The following KCNQ1 variants were observed in gnomAD, a reference collection of about 807,000 sequenced individuals.
KCNQ1 encodes the protein potassium voltage-gated channel subfamily Q member 1, also known as potassium voltage-gated channel subfamily KQT member 1.
KCNQ1 carries 49 observed loss-of-function variants against 72.4 expected under a neutral mutation model. The ratio of observed to expected loss-of-function variants is 0.68; its 90% CI spans 0.54 to 0.86. The LOEUF (loss-of-function observed/expected upper bound fraction) is 0.86, where lower values mean the gene tolerates loss of function less well. Ranked by LOEUF, KCNQ1 falls within the 40% of genes least tolerant of loss-of-function variation. The pLI is 0.00. For synonymous variants in KCNQ1, 450 were observed against 412.6 expected (o/e 1.09, Z -1.10); for missense variants, 790 against 945.1 (o/e 0.84, Z 2.15).
intron 11 of KCNQ1, among the ~76,000 whole-genome samples, chr11:2,726,109 G>A (rs944906759): frequency 3.9e-5 from 6 of 152,154 alleles, no homozygotes; most frequent in South Asian, 2.1e-4. Flanking sequence ...GGCTGGGGAC[G>A]GCCTCTTGGG....
At chr11:2,633,947 G>T (rs145710885) in intron 10 of KCNQ1, 1 of 398,546 alleles carries the variant, frequency 2.5e-6, no homozygotes, top group East Asian at 3.6e-5. Context: ...GAAAATCCAC[G>T]TATAAATGAA....
intron 11 of KCNQ1, chr11:2,696,168 C>A: frequency 2.5e-6 from 1 of 398,586 alleles, no homozygotes; most frequent in Non-Finnish European, 4.4e-6. Flanking sequence ...TTTCTGGATC[C>A]TGTTTAAGAA....
At chr11:2,754,456 T>C (rs1026130545) in intron 11 of KCNQ1, among the ~76,000 whole-genome samples, 2 of 152,264 alleles carry the variant, frequency 1.3e-5, no homozygotes, top group African/African-American at 4.8e-5. Flanking sequence ...GGAAGGGCCC[T>C]GCCTTCCAGA....
intron 10 of KCNQ1, chr11:2,610,488 G>A (rs1027568597): frequency 2.5e-6 from 1 of 398,146 alleles, no homozygotes; most frequent in African/African-American, 2.1e-5. Flanking sequence ...CCAACTGGTG[G>A]TATTTCCTTA....
chr11:2,473,328 G>A lies in KCNQ1; in HGVS notation c.386+27844G>A, dbSNP rs755445189. Reference sequence around the variant, plus strand: ...GGGGCTTGCTGGGGACTCAGGGAGGGTTGGGGACCTCCAGGGCTTCCATTC... The same window carrying A: ...GGGGCTTGCTGGGGACTCAGGGAGGATTGGGGACCTCCAGGGCTTCCATTC... On this transcript the variant is annotated intron_variant, in intron 1 of 15. Transcript: ENST00000155840. This position sits in a 1 kb window ranked among gnomAD's most constrained non-coding sequence, Gnocchi z 6.0. Among the ~76,000 whole-genome samples, 2 of 152,154 alleles carry A rather than the reference G, an allele frequency of 1.3e-5. No individual in the cohort carries two copies. Among genetic ancestry groups the A allele is most frequent in the Non-Finnish European group, 2.9e-5 (2 of 68,004 alleles).
intron 1 of KCNQ1, among the ~76,000 whole-genome samples, chr11:2,502,733 T>C (rs1847037967): frequency 6.6e-6 from 1 of 152,124 alleles, no homozygotes; most frequent in Non-Finnish European, 1.5e-5. Context: ...GTCAAAGCTA[T>C]CCTGAGCAAA....
intron 10 of KCNQ1, chr11:2,660,763 C>A: frequency 2.5e-6 from 1 of 398,592 alleles, no homozygotes; most frequent in Non-Finnish European, 4.4e-6. Flanking sequence ...GCTGGGGGAG[C>A]CTGAATTGCT....
In KCNQ1 at chr11:2,647,422, T is replaced by A. The variant is rs1044214569; in HGVS notation, c.1394-14539T>A. On this transcript the variant is annotated intron_variant, in intron 10 of 15. Transcript: ENST00000155840. The surrounding 1 kb of genome is among the most constrained non-coding windows in gnomAD (Gnocchi z 4.0). ...GTGTTTTGTTTCTGAGGATTCTGCA[T>A]CTATGTTCATCAGGGAGATTGGCCT... 3 of 398,488 alleles carry A rather than the reference T, an allele frequency of 7.5e-6. No individual in the cohort carries two copies. The highest frequency in any genetic ancestry group is 6.2e-5 in the African/African-American group (3 of 48,648). 24.7% of individuals were successfully genotyped at this position (398,488 alleles called of 1,614,324 possible).
intron 10 of KCNQ1, chr11:2,619,761 G>GT: frequency 2.5e-6 from 1 of 397,762 alleles, no homozygotes; most frequent in African/African-American, 2.1e-5. Context: ...TTTTGGAAGA[G>GT]TTTAAGAAGT....
chr11:2,588,480 G>T lies in KCNQ1; in HGVS notation c.1252-233G>T, dbSNP rs1018071194. Among the ~76,000 whole-genome samples, 1 of 152,102 alleles carries T rather than the reference G, an allele frequency of 6.6e-6. No homozygotes were observed. The highest frequency in any genetic ancestry group is 6.5e-5 in the Admixed American group (1 of 15,274). ...TTATCTGCTTCCTGCTGTCCTGTTA[G>T]CGAGGCCGTGAGCTCACAGGGCAGC... is the stretch of plus-strand genomic sequence containing the variant. On this transcript the variant is annotated intron_variant, in intron 9 of 15. Transcript: ENST00000155840. The surrounding 1 kb of genome is among the most constrained non-coding windows in gnomAD (Gnocchi z 5.6).
chr11:2,459,243 C>T (rs7948693), intron 1 of KCNQ1, among the ~76,000 whole-genome samples: 5 of 151,896 alleles, frequency 3.3e-5, no homozygotes, highest in African/African-American at 1.2e-4. Context: ...CCGTGGCGCC[C>T]GGTGGTGTGA....
intron 10 of KCNQ1, among the ~76,000 whole-genome samples, chr11:2,607,004 G>A (rs1165498843): frequency 7.0e-6 from 1 of 142,082 alleles, no homozygotes; most frequent in Non-Finnish European, 1.5e-5. Flanking sequence ...CCAGGTTCAC[G>A]CCATTCTTCT....
rs139481648 is a variant in KCNQ1 at position 2,498,913 on chromosome 11, G to A, written c.387-29015G>A. Among the ~76,000 whole-genome samples, 46 of 152,296 alleles carry A rather than the reference G, an allele frequency of 3.0e-4. 1 individual carries two copies. In the South Asian group the frequency reaches 6.0e-3, roughly 20 times the overall value. ...CACAGTCCCGGGTATCACAGATGAC[G>A]GGTTGATGGGTGCAGCAACTGCATG... On this transcript the variant is annotated intron_variant, in intron 1 of 15. Transcript: ENST00000155840. This position sits in a 1 kb window ranked among gnomAD's most constrained non-coding sequence, Gnocchi z 4.8.
Position 2,677,186 on chromosome 11 carries a change from T to A in KCNQ1, c.1514+15105T>A. ...TCCATCTTATCCCTACTTGTATCTC[T>A]GCTGACTGACCTCTTTGGCTGTCTC... On this transcript the variant is annotated intron_variant, in intron 11 of 15. Coordinates refer to ENST00000155840, the MANE Select transcript of KCNQ1 (RefSeq NM_000218.3). The surrounding 1 kb of genome is among the most constrained non-coding windows in gnomAD (Gnocchi z 4.5). The A allele has an allele frequency of 2.5e-6, 1 of 398,630 alleles. No individual in the cohort carries two copies. 24.7% of individuals were successfully genotyped at this position (398,630 alleles called of 1,614,324 possible).
chr11:2,531,055 A>G (rs7119884), intron 2 of KCNQ1, among the ~76,000 whole-genome samples: 5,971 of 152,228 alleles, frequency 0.039, 178 homozygotes, highest in African/African-American at 0.091. Context: ...GCTGTCTGTC[A>G]GCACCACAGC....
Position 2,588,145 on chromosome 11 carries a change from G to A in KCNQ1, c.1251+453G>A, listed in dbSNP as rs1037693458. ...CACAGGGCAGTGGAGTTTGGCAGGC[G>A]CTGGGCAGAAGTCTTGTGACATGGC... On this transcript the variant is annotated intron_variant, in intron 9 of 15. Transcript: ENST00000155840. The surrounding 1 kb of genome is among the most constrained non-coding windows in gnomAD (Gnocchi z 5.6). Among the ~76,000 whole-genome samples the A allele has an allele frequency of 6.6e-6, 1 of 152,034 alleles. No homozygotes were observed.
intron 11 of KCNQ1, among the ~76,000 whole-genome samples, chr11:2,709,058 T>C (rs1014352792): frequency 6.6e-6 from 1 of 152,158 alleles, no homozygotes; most frequent in Non-Finnish European, 1.5e-5. Context: ...TGGGGCTGCC[T>C]GCTCCACCGC....
chr11:2,838,252 G>A (rs1017283958), intron 15 of KCNQ1, among the ~76,000 whole-genome samples: 3 of 152,236 alleles, frequency 2.0e-5, no homozygotes, highest in African/African-American at 7.2e-5. Context: ...GGGGACAGGT[G>A]CCAAACTATC....
At position 2,673,008 on chromosome 11, in the gene KCNQ1, A is replaced by G. The variant is rs767965954; in HGVS notation, c.1514+10927A>G. ...GCCTAAAGGAGAAGCCAGTGAATCA[A>G]TGTGTTACTTGAACAAATATAGGGT... On this transcript the variant is annotated intron_variant, in intron 11 of 15. Coordinates refer to ENST00000155840, the MANE Select transcript of KCNQ1 (RefSeq NM_000218.3). The surrounding 1 kb of genome is among the most constrained non-coding windows in gnomAD (Gnocchi z 4.5). 3.0e-5 allele frequency: 12 copies of G among 398,582 alleles called. No homozygotes were observed. The highest frequency in any genetic ancestry group is 6.2e-4 in the Middle Eastern group (1 of 1,610). 24.7% of individuals were successfully genotyped at this position (398,582 alleles called of 1,614,324 possible). A position where few individuals can be genotyped will look rare whatever the true frequency, so the allele number is the denominator to read the frequency against.
Sources: gnomAD v4.1 joint callset for allele counts (sites outside exome capture counted in the v4.1 genomes callset) on GRCh38, gnomAD v4.1.1 for gene constraint, Gnocchi (gnomAD v3.1) non-coding constraint, MANE v1.5 for transcripts, NCBI Gene and HGNC (gene_info 2026-07-23, HGNC 2026-07-21) for gene names.